Variants in FARS2 observed in about 807,000 individuals in gnomAD.
The protein encoded by FARS2 is phenylalanyl-tRNA synthetase 2, mitochondrial, also known as phenylalanine--tRNA ligase, mitochondrial.
FARS2 carries 40 observed loss-of-function variants against 46.4 expected under a neutral mutation model. The ratio of observed to expected loss-of-function variants is 0.86; its 90% CI spans 0.67 to 1.12. The LOEUF is 1.12. FARS2 is among the 50% of genes most tolerant of loss of function. The probability of loss-of-function intolerance (pLI) is 0.00; values close to 1 mark genes in which losing one functional copy is unlikely to be tolerated. For missense variants in FARS2, 513 were observed against 567.9 expected (o/e 0.90, Z 0.98); for synonymous variants, 234 against 214.9 (o/e 1.09, Z -0.78).
intron 2 of FARS2, among the ~76,000 whole-genome samples, chr6:5,394,337 G>C (rs1760763192): frequency 6.6e-6 from 1 of 152,152 alleles, no homozygotes; most frequent in Non-Finnish European, 1.5e-5. Flanking sequence ...TTGTGTTACA[G>C]TTGCCTACAG....
In FARS2 at chr6:5,764,546, G is replaced by A. The variant is rs1257366317; in HGVS notation, c.1218-6745G>A. On this transcript the variant is annotated intron_variant, in intron 6 of 6. Transcript: ENST00000274680. The surrounding 1 kb of genome is among the most constrained non-coding windows in gnomAD (Gnocchi z 4.1). The stretch of plus-strand genomic sequence containing the variant: ...GGGGAAACCCAGTGTTTGTTACTCT[G>A]AAAATGGAAGCTGCCCCGTGACAGC... Among the ~76,000 whole-genome samples the A allele has an allele frequency of 6.6e-6, 1 of 152,176 alleles. No homozygotes were observed. The highest frequency in any genetic ancestry group is 1.9e-4 in the East Asian group (1 of 5,196).
chr6:5,732,026 C>T (rs1760659031), intron 6 of FARS2, among the ~76,000 whole-genome samples: 1 of 152,214 alleles, frequency 6.6e-6, no homozygotes, highest in Non-Finnish European at 1.5e-5. Context: ...GTCCTGCTGA[C>T]CCCGTCACTG....
At chr6:5,296,438 G>T (rs1767896848) in intron 1 of FARS2, among the ~76,000 whole-genome samples, 1 of 152,134 alleles carries the variant, frequency 6.6e-6, no homozygotes, top group South Asian at 2.1e-4. Context: ...ACTGTGCCTG[G>T]CCTATTTTGG....
chr6:5,571,573 G>C (rs979570361), intron 5 of FARS2, among the ~76,000 whole-genome samples: 5 of 152,020 alleles, frequency 3.3e-5, no homozygotes, highest in African/African-American at 4.8e-5. Flanking sequence ...GCTATCATCT[G>C]TCACCTCCTG....
At chr6:5,678,992 C>A (rs914187372) in intron 6 of FARS2, among the ~76,000 whole-genome samples, 4 of 152,254 alleles carry the variant, frequency 2.6e-5, no homozygotes, top group Admixed American at 1.3e-4. Context: ...TTGTCTTGAT[C>A]CAGAAGTGGT....
chr6:5,617,374 G>A (rs970293914), intron 6 of FARS2, among the ~76,000 whole-genome samples: 1 of 152,234 alleles, frequency 6.6e-6, no homozygotes, highest in Admixed American at 6.5e-5. Context: ...AAAGGGCATG[G>A]CTGCCAAGGG....
chr6:5,448,089 C>T (rs904459585), intron 4 of FARS2, among the ~76,000 whole-genome samples: 96 of 152,250 alleles, frequency 6.3e-4, no homozygotes, highest in African/African-American at 2.2e-3. Flanking sequence ...GACAAAGAAT[C>T]GCAGTGTGGT....
At chr6:5,335,905 G>A (rs888836441) in intron 1 of FARS2, among the ~76,000 whole-genome samples, 5 of 152,134 alleles carry the variant, frequency 3.3e-5, no homozygotes, top group East Asian at 3.8e-4. Context: ...TTTTAATTCC[G>A]TTCTTTTTGT....
intron 1 of FARS2, among the ~76,000 whole-genome samples, chr6:5,335,609 G>C (rs1452532441): frequency 6.6e-6 from 1 of 152,104 alleles, no homozygotes; most frequent in East Asian, 1.9e-4. Context: ...GCAATTAGTT[G>C]TAATGTAAAT....
intron 1 of FARS2, among the ~76,000 whole-genome samples, chr6:5,328,906 G>A (rs1390710193): frequency 2.0e-5 from 3 of 152,066 alleles, no homozygotes; most frequent in Non-Finnish European, 2.9e-5. Flanking sequence ...CAAAGAGCTC[G>A]TTTTTCATAC....
At chr6:5,468,279 C>T (rs558971243) in intron 4 of FARS2, among the ~76,000 whole-genome samples, 19 of 151,416 alleles carry the variant, frequency 1.3e-4, no homozygotes, top group South Asian at 6.3e-4. Context: ...AAAGATTACA[C>T]ATCTGTAGTA....
At chr6:5,746,025 C>T (rs1761614675) in intron 6 of FARS2, among the ~76,000 whole-genome samples, 1 of 152,178 alleles carries the variant, frequency 6.6e-6, no homozygotes, top group African/African-American at 2.4e-5. Context: ...GGATGTTCCT[C>T]TCCAATTCAT....
At chr6:5,326,487 T>G (rs976083520) in intron 1 of FARS2, among the ~76,000 whole-genome samples, 3 of 152,066 alleles carry the variant, frequency 2.0e-5, no homozygotes, top group African/African-American at 7.3e-5. Flanking sequence ...GGGCTTGGTG[T>G]GCCTGCTCCG....
chr6:5,431,727 A>C (rs10900967), intron 4 of FARS2: 1 of 529,008 alleles, frequency 1.9e-6, no homozygotes, highest in South Asian at 1.4e-5. Context: ...AATTCTACGC[A>C]TATCTATAGG....
intron 6 of FARS2, among the ~76,000 whole-genome samples, chr6:5,677,721 T>G (rs184408045): frequency 6.6e-6 from 1 of 152,326 alleles, no homozygotes; most frequent in East Asian, 1.9e-4. Flanking sequence ...CCTGTGAGCT[T>G]ATATAACAGA....
intron 4 of FARS2, among the ~76,000 whole-genome samples, chr6:5,443,304 T>C (rs959835294): frequency 2.0e-5 from 3 of 152,190 alleles, no homozygotes; most frequent in Non-Finnish European, 4.4e-5. Flanking sequence ...TTTGGCAAAG[T>C]TGGTATTGAT....
intron 1 of FARS2, among the ~76,000 whole-genome samples, chr6:5,320,349 G>A (rs1769880602): frequency 6.6e-6 from 1 of 152,206 alleles, no homozygotes; most frequent in African/African-American, 2.4e-5. Flanking sequence ...AATGATGGGA[G>A]GCCAAAAACA....
intron 5 of FARS2, among the ~76,000 whole-genome samples, chr6:5,602,480 C>T (rs56339739): frequency 1.3e-5 from 2 of 151,868 alleles, no homozygotes; most frequent in Non-Finnish European, 2.9e-5. Flanking sequence ...AACCCCATCT[C>T]TACTAAAAAT....
chr6:5,631,181 A>G (rs777024463), intron 6 of FARS2, among the ~76,000 whole-genome samples: 12 of 152,240 alleles, frequency 7.9e-5, no homozygotes, highest in Non-Finnish European at 1.8e-4. Flanking sequence ...GAAAACAGAT[A>G]AGAGTTGATT....
Sources: allele counts gnomAD v4.1 joint callset (sites outside exome capture counted in the v4.1 genomes callset), GRCh38; gene constraint gnomAD v4.1.1; non-coding constraint Gnocchi (gnomAD v3.1); transcripts MANE v1.5; gene names NCBI Gene and HGNC (gene_info 2026-07-23, HGNC 2026-07-21).